ABL2: variants seen among roughly 807,000 people sequenced by gnomAD.
ABL2 encodes the protein ABL proto-oncogene 2, non-receptor tyrosine kinase.
In ABL2, 49 loss-of-function variants were observed where a neutral mutation model predicts 107.7. The ratio of observed to expected loss-of-function variants is 0.45; its 90% CI spans 0.36 to 0.58. ABL2 has a LOEUF of 0.58. Ranked by LOEUF, ABL2 falls within the 20% of genes least tolerant of loss-of-function variation. The pLI is 0.00. For synonymous variants in ABL2, 549 were observed against 548.6 expected (o/e 1.00, Z -0.01); for missense variants, 1,245 against 1,457.0 (o/e 0.85, Z 2.37).
intron 1 of ABL2, among the ~76,000 whole-genome samples, chr1:179,178,771 C>A (rs527297660): frequency 6.6e-6 from 1 of 151,844 alleles, no homozygotes; most frequent in South Asian, 2.1e-4. Context: ...GGGGGGGGTG[C>A]CTGTAATCCC....
chr1:179,162,954 A>G (rs1659159379), intron 1 of ABL2, among the ~76,000 whole-genome samples: 1 of 152,188 alleles, frequency 6.6e-6, no homozygotes, highest in Non-Finnish European at 1.5e-5. Flanking sequence ...AGAGAGTCCT[A>G]TGGGGTGTGG....
chr1:179,196,862 A>G (rs145265348), intron 1 of ABL2, among the ~76,000 whole-genome samples: 86 of 152,300 alleles, frequency 5.6e-4, no homozygotes, highest in African/African-American at 1.8e-3. Flanking sequence ...GTATTTTACC[A>G]CAATTTTTTT....
intron 7 of ABL2, 61 bp from the exon 8 acceptor site, chr1:179,117,577 AC>A: frequency 6.4e-7 from 1 of 1,564,400 alleles, no homozygotes. Flanking sequence ...GGTCATGAAC[AC>A]TCTATTCTTG....
chr1:179,181,946 A>ATTTTT (rs34828452), intron 1 of ABL2, among the ~76,000 whole-genome samples: 62 of 91,200 alleles, frequency 6.8e-4, no homozygotes, highest in Non-Finnish European at 9.5e-4. Flanking sequence ...AGGCCCGGCT[A>ATTTTT]TTTTTTTTTT....
intron 1 of ABL2, among the ~76,000 whole-genome samples, chr1:179,135,325 G>C (rs1279684198): frequency 6.6e-6 from 1 of 151,804 alleles, no homozygotes; most frequent in South Asian, 2.1e-4. Context: ...TGGGAAGTGA[G>C]GAGCGTCTCT....
At chr1:179,165,845 G>A (rs766607397) in intron 1 of ABL2, among the ~76,000 whole-genome samples, 1 of 151,776 alleles carries the variant, frequency 6.6e-6, no homozygotes, top group African/African-American at 2.4e-5. Context: ...GCCCAGGCTG[G>A]AGTGTAGTGG....
At chr1:179,120,160 G>GA (rs763345769) in intron 6 of ABL2, 30 bp downstream of exon 6, 23 of 1,470,726 alleles carry the variant, frequency 1.6e-5, no homozygotes, top group Non-Finnish European at 2.1e-5. Flanking sequence ...ATTTTTGGAG[G>GA]AAATCTATGG....
rs748354391 is a variant in ABL2 at position 179,126,589 on chromosome 1, T to C, written c.475A>G (p.Ser159Gly). 61 of 1,614,094 alleles carry C rather than the reference T, an allele frequency of 3.8e-5. No homozygotes were observed. The highest frequency in any genetic ancestry group is 4.8e-5 in the Non-Finnish European group (57 of 1,180,048). The change falls in exon 4 of 12, where the codon AGC (serine) becomes GGC (glycine). Residue 159 changes from serine to glycine, a missense_variant. Coordinates refer to ENST00000502732, the MANE Select transcript of ABL2 (RefSeq NM_007314.4). The surrounding 1 kb of genome is among the most constrained non-coding windows in gnomAD (Gnocchi z 4.4). ...RSKNGQGWVP[S>G]NYITPVNSLE... ...CTGTTCACTGGGGTGATGTAGTTGC[T>C]TGGCACCCAGCCCTGCCCATTCTTA...
rs192219181 is a variant in ABL2, at chr1:179,185,105, G to A, written c.157+44136C>T. ...CTCAGACAGTACACTGTGTCTCTAC[G>A]TGAATATGGACAGTTAGCATTTACC... On this transcript the variant is annotated intron_variant, in intron 1 of 11. Transcript: ENST00000502732. 1.7e-3 allele frequency among the ~76,000 whole-genome samples: 253 copies of A among 152,264 alleles called. 3 individuals are homozygous for A. Among genetic ancestry groups the A allele is most frequent in the South Asian group, 5.4e-3 (26 of 4,820 alleles).
intron 1 of ABL2, among the ~76,000 whole-genome samples, chr1:179,166,072 C>G (rs781142832): frequency 6.6e-6 from 1 of 152,140 alleles, no homozygotes; most frequent in Non-Finnish European, 1.5e-5. Flanking sequence ...GCTGGGATTA[C>G]AGGCATGAGC....
At chr1:179,190,714 T>TC (rs925125905) in intron 1 of ABL2, among the ~76,000 whole-genome samples, 2 of 151,780 alleles carry the variant, frequency 1.3e-5, no homozygotes, top group Admixed American at 1.3e-4. Context: ...TATCTAGGGG[T>TC]CCCCAGCCTC....
chr1:179,219,206 C>G (rs912827046), intron 1 of ABL2, among the ~76,000 whole-genome samples: 3 of 152,158 alleles, frequency 2.0e-5, no homozygotes, highest in Non-Finnish European at 2.9e-5. Context: ...GCACGCCTGG[C>G]TAGGTTTTCT....
intron 1 of ABL2, among the ~76,000 whole-genome samples, chr1:179,191,023 T>C (rs1660979490): frequency 1.3e-5 from 2 of 152,146 alleles, no homozygotes; most frequent in African/African-American, 4.8e-5. Flanking sequence ...CCACTTCCCC[T>C]TCTAACCACA....
At chr1:179,142,970 G>A (rs1657724906) in intron 1 of ABL2, 1 of 1,614,066 alleles carries the variant, frequency 6.2e-7, no homozygotes, top group Non-Finnish European at 8.5e-7. Flanking sequence ...AGGCCTCAGT[G>A]CACAGGCAGC....
intron 1 of ABL2, among the ~76,000 whole-genome samples, chr1:179,148,428 T>C (rs1037775085): frequency 6.6e-6 from 1 of 152,200 alleles, no homozygotes; most frequent in African/African-American, 2.4e-5. Context: ...TTAATTGTTA[T>C]CATATCTATT....
chr1:179,139,034 C>A (rs181895083), intron 1 of ABL2, among the ~76,000 whole-genome samples: 13 of 152,328 alleles, frequency 8.5e-5, no homozygotes, highest in Non-Finnish European at 1.9e-4. Flanking sequence ...GCAGTGCCAG[C>A]CCACCGGTGC....
At chr1:179,193,538 G>A (rs1661136429) in intron 1 of ABL2, among the ~76,000 whole-genome samples, 1 of 151,626 alleles carries the variant, frequency 6.6e-6, no homozygotes. Context: ...CCAAATAGCT[G>A]GGATAACAAG....
intron 1 of ABL2, among the ~76,000 whole-genome samples, chr1:179,220,053 A>C (rs1571343170): frequency 6.6e-6 from 1 of 152,356 alleles, no homozygotes; most frequent in East Asian, 1.9e-4. Flanking sequence ...ACACAAAGCA[A>C]GATTTATATC....
intron 1 of ABL2, among the ~76,000 whole-genome samples, chr1:179,140,938 G>C (rs1011941784): frequency 6.6e-6 from 1 of 151,880 alleles, no homozygotes; most frequent in Non-Finnish European, 1.5e-5. Flanking sequence ...TCAGGAGTTC[G>C]AGACCAGTCT....
Sources: gnomAD v4.1 joint callset for allele counts (sites outside exome capture counted in the v4.1 genomes callset) on GRCh38, gnomAD v4.1.1 for gene constraint, Gnocchi (gnomAD v3.1) non-coding constraint, MANE v1.5 for transcripts, NCBI Gene and HGNC (gene_info 2026-07-23, HGNC 2026-07-21) for gene names.